PIK3R3: variants seen among roughly 807,000 people sequenced by gnomAD.
PIK3R3 encodes phosphatidylinositol 3-kinase regulatory subunit gamma.
Under a neutral mutation model 62.9 loss-of-function variants are expected in PIK3R3, and 64 were observed. The observed-to-expected ratio is 1.02, with a 90% CI of 0.83 to 1.25. PIK3R3 has a LOEUF of 1.25. Ranked by LOEUF, PIK3R3 falls within the 50% of genes most tolerant of loss-of-function variation. The pLI is 0.00. For synonymous variants in PIK3R3, 165 were observed against 189.0 expected (o/e 0.87, Z 1.04); for missense variants, 614 against 561.6 (o/e 1.09, Z -0.94).
At chr1:46,112,423 C>A (rs1335247525) in intron 1 of PIK3R3, among the ~76,000 whole-genome samples, 1 of 152,020 alleles carries the variant, frequency 6.6e-6, no homozygotes, top group Non-Finnish European at 1.5e-5. Flanking sequence ...ATACATATAC[C>A]TTTATATGTT....
chr1:46,131,248 C>G (rs181866691), intron 1 of PIK3R3, among the ~76,000 whole-genome samples: 2 of 152,198 alleles, frequency 1.3e-5, no homozygotes, highest in African/African-American at 4.8e-5. Flanking sequence ...GAAGGAAAAC[C>G]TCAGACTAAG....
Position 46,132,207 on chromosome 1 carries a change from G to A in PIK3R3, c.-255C>T. 8.0e-7 allele frequency: 1 copy of A among 1,243,650 alleles called. No homozygotes were observed. The highest frequency in any genetic ancestry group is 1.9e-5 in the South Asian group (1 of 51,662). The allele number at this position is 1,243,650 out of a possible 1,614,324, so 77.0% of individuals were successfully genotyped here. ...CAGAGGATTACACAGAGGCTTGGGG[G>A]ACGGAGAGCAGAGGTGTTAAAAAGC... On this transcript the variant is annotated 5_prime_UTR_variant, in exon 1 of 10. Coordinates refer to ENST00000262741, the MANE Select transcript of PIK3R3 (RefSeq NM_003629.4).
chr1:46,062,498 C>G (rs138516795), intron 5 of PIK3R3, among the ~76,000 whole-genome samples: 1 of 152,112 alleles, frequency 6.6e-6, no homozygotes, highest in Non-Finnish European at 1.5e-5. Context: ...TTGCTTGAAC[C>G]CGGAAGGCAG....
At chr1:46,130,375 T>A (rs988800898) in intron 1 of PIK3R3, among the ~76,000 whole-genome samples, 7 of 152,060 alleles carry the variant, frequency 4.6e-5, no homozygotes, top group African/African-American at 1.7e-4. Context: ...AAAGACACAA[T>A]AGATGGGTGG....
chr1:46,150,202 TG>T, the PIK3R3 span, among the ~76,000 whole-genome samples: 1 of 152,220 alleles, frequency 6.6e-6, no homozygotes, highest in East Asian at 1.9e-4. Flanking sequence ...TGTCCTCTTA[TG>T]CAGTTGTAGG....
chr1:46,080,588 C>A, intron 2 of PIK3R3, 54 bp downstream of exon 2: 1 of 1,224,682 alleles, frequency 8.2e-7, no homozygotes, highest in South Asian at 1.2e-5. Context: ...ACTACTAATT[C>A]TCAAAAATGA....
chr1:46,104,220 G>A (rs1652975235), intron 1 of PIK3R3, among the ~76,000 whole-genome samples: 1 of 152,126 alleles, frequency 6.6e-6, no homozygotes, highest in Admixed American at 6.5e-5. Context: ...GAGCCACCAC[G>A]CCTGGACATG....
chr1:46,097,746 A>T (rs548474977), intron 1 of PIK3R3, among the ~76,000 whole-genome samples: 2 of 152,102 alleles, frequency 1.3e-5, no homozygotes, highest in South Asian at 4.2e-4. Context: ...GAAATCAGCC[A>T]GGTGTGGTGG....
chr1:46,056,023 T>C (rs375895328), intron 6 of PIK3R3, 52 bp from the exon 7 acceptor site: 2 of 1,241,218 alleles, frequency 1.6e-6, no homozygotes, highest in African/African-American at 3.0e-5. Context: ...AGCAGACAGA[T>C]CCTACTGGGT....
intron 1 of PIK3R3, among the ~76,000 whole-genome samples, chr1:46,088,424 C>A (rs1159383230): frequency 3.3e-5 from 5 of 151,686 alleles, no homozygotes; most frequent in African/African-American, 9.7e-5. Flanking sequence ...CACACAAAGA[C>A]AGCATAATAT....
upstream of PIK3R3, among the ~76,000 whole-genome samples, chr1:46,133,591 C>G (rs528515939): frequency 1.3e-5 from 2 of 152,218 alleles, no homozygotes; most frequent in African/African-American, 4.8e-5. Flanking sequence ...CACCTTACCA[C>G]TCAGGGAGAG....
the PIK3R3 span, among the ~76,000 whole-genome samples, chr1:46,168,307 T>C: frequency 6.6e-6 from 1 of 152,218 alleles, no homozygotes; most frequent in African/African-American, 2.4e-5. Context: ...TTGGTGTGTC[T>C]GCTAGTCTGT....
chr1:46,157,994 G>T, the PIK3R3 span, among the ~76,000 whole-genome samples: 346 of 152,214 alleles, frequency 2.3e-3, 1 homozygote, highest in African/African-American at 8.1e-3. Context: ...AATCCTTGGG[G>T]AGCAGGTAGC....
At chr1:46,103,370 G>C (rs189374415) in intron 1 of PIK3R3, among the ~76,000 whole-genome samples, 4 of 152,168 alleles carry the variant, frequency 2.6e-5, no homozygotes, top group Non-Finnish European at 5.9e-5. Flanking sequence ...CAGAGTTGGA[G>C]ACCAGCCTGG....
intron 1 of PIK3R3, among the ~76,000 whole-genome samples, chr1:46,113,594 T>A (rs1398552101): frequency 6.6e-6 from 1 of 152,182 alleles, no homozygotes; most frequent in African/African-American, 2.4e-5. Flanking sequence ...GCAGGCCACG[T>A]CCTATCTCAT....
intron 1 of PIK3R3, among the ~76,000 whole-genome samples, chr1:46,110,639 C>T (rs1465361849): frequency 6.6e-6 from 1 of 152,068 alleles, no homozygotes; most frequent in Non-Finnish European, 1.5e-5. Context: ...TCCTTTAGGG[C>T]ACATATTTTC....
intron 1 of PIK3R3, among the ~76,000 whole-genome samples, chr1:46,099,408 C>T (rs1351410164): frequency 6.6e-6 from 1 of 152,178 alleles, no homozygotes; most frequent in Admixed American, 6.5e-5. Context: ...GGTTTTCCCT[C>T]AGGCTTTTCT....
intron 1 of PIK3R3, among the ~76,000 whole-genome samples, chr1:46,092,090 C>A (rs186773556): frequency 7.7e-4 from 117 of 152,238 alleles, no homozygotes; most frequent in African/African-American, 2.8e-3. Context: ...TGATAAAGGG[C>A]ACCACTATGC....
intron 1 of PIK3R3, among the ~76,000 whole-genome samples, chr1:46,101,758 C>A (rs762669221): frequency 1.3e-5 from 2 of 151,920 alleles, no homozygotes; most frequent in African/African-American, 2.4e-5. Context: ...GGAAGTTGAA[C>A]AGAATTTACC....
Sources: gnomAD v4.1 joint callset for allele counts (sites outside exome capture counted in the v4.1 genomes callset) on GRCh38, gnomAD v4.1.1 for gene constraint, MANE v1.5 for transcripts, NCBI Gene and HGNC (gene_info 2026-07-23, HGNC 2026-07-21) for gene names.